The following GOLGB1 variants were observed in gnomAD, a reference collection of about 807,000 sequenced individuals.
GOLGB1 encodes the protein golgin subfamily B member 1.
Under a neutral mutation model 336.9 loss-of-function variants are expected in GOLGB1, and 174 were observed. The observed-to-expected ratio is 0.52, with a 90% CI of 0.46 to 0.59. The LOEUF (loss-of-function observed/expected upper bound fraction) is 0.59, where lower values mean the gene tolerates loss of function less well. GOLGB1 is among the 20% of genes least tolerant of loss of function. The pLI is 0.00. For missense variants in GOLGB1, 3,331 were observed against 3,645.3 expected (o/e 0.91, Z 2.22); for synonymous variants, 1,208 against 1,289.2 (o/e 0.94, Z 1.35).
intron 17 of GOLGB1, 56 bp downstream of exon 17, chr3:121,676,837 C>T: frequency 2.6e-6 from 4 of 1,533,322 alleles, no homozygotes; most frequent in Non-Finnish European, 9.0e-7. Context: ...TACTTGCCTT[C>T]TTGTTCCAGT....
chr3:121,695,343 G>A lies in GOLGB1; in HGVS notation c.5180C>T (p.Ala1727Val), dbSNP rs769141348. 3.6e-5 allele frequency: 58 copies of A among 1,613,670 alleles called. No homozygotes were observed. The highest frequency in any genetic ancestry group is 4.8e-5 in the Non-Finnish European group (57 of 1,179,870). ...ECMETLLSSN[A>V]SMKEELERVK... is the part of the protein sequence containing the mutation. ...CCTTTCAAGTTCTTCCTTCATGCTGGCATTGGAAGAAAGAAGTGTTTCCAT... is the reference window on the plus strand; with the variant it reads ...CCTTTCAAGTTCTTCCTTCATGCTGACATTGGAAGAAAGAAGTGTTTCCAT... The change falls in exon 13 of 22, where the codon GCC becomes GTC. Residue 1727 changes from alanine to valine, a missense_variant. Coordinates refer to ENST00000614479, the MANE Select transcript of GOLGB1 (RefSeq NM_001366282.2).
Position 121,726,901 on chromosome 3 carries a change from T to A in GOLGB1, c.531+12A>T, listed in dbSNP as rs201905435. Reference sequence around the variant, plus strand: ...ATTAACCTAATGATTATGAAGTAACTTCCACCCCTACCTGTGCAGGTTGTT... The same window carrying A: ...ATTAACCTAATGATTATGAAGTAACATCCACCCCTACCTGTGCAGGTTGTT... On this transcript the variant is annotated intron_variant, in intron 5 of 21. Transcript: ENST00000614479. The A allele has an allele frequency of 1.6e-5, 25 of 1,566,562 alleles. No homozygotes were observed. The highest frequency in any genetic ancestry group is 2.1e-5 in the Non-Finnish European group (24 of 1,156,334).
rs550266275 is a variant in GOLGB1, at chr3:121,689,408, A to C, written c.8694+1262T>G. Among the ~76,000 whole-genome samples, 84 of 152,038 alleles carry C rather than the reference A, an allele frequency of 5.5e-4. 1 individual carries two copies. Among genetic ancestry groups the C allele is most frequent in the Admixed American group, 3.3e-4 (5 of 15,272 alleles). Reference sequence around the variant, plus strand: ...TGTCCACTCAGGGTTAAATGGATTAAGGGCGGTGCAAGATGTGCTTTGTTA... The same window carrying C: ...TGTCCACTCAGGGTTAAATGGATTACGGGCGGTGCAAGATGTGCTTTGTTA... On this transcript the variant is annotated intron_variant, in intron 14 of 21. Transcript: ENST00000614479.
chr3:121,729,100 C>A, intron 4 of GOLGB1, 88 bp downstream of exon 4: 1 of 858,938 alleles, frequency 1.2e-6, no homozygotes, highest in East Asian at 2.6e-5. Flanking sequence ...ATCATTTTAG[C>A]ATCCTAAATG....
chr3:121,696,919 T>C lies in GOLGB1; in HGVS notation c.3604A>G (p.Lys1202Glu). ...RKAILKKAQE[K>E]ERHLREELKQ... is the part of the protein sequence containing the mutation. ...AGCTCCTCCCTGAGATGTCTTTCTT[T>C]CTCCTGTGCCTTTTTAAGAATTGCC... Residue 1202 changes from lysine (K) to glutamate (E), a missense_variant, in exon 13 of 22, where the codon AAA becomes GAA. Transcript: ENST00000614479. The C allele has an allele frequency of 6.2e-7, 1 of 1,614,104 alleles. No individual in the cohort carries two copies. Among genetic ancestry groups the C allele is most frequent in the Non-Finnish European group, 8.5e-7 (1 of 1,179,980 alleles).
intron 1 of GOLGB1, among the ~76,000 whole-genome samples, chr3:121,738,310 A>G (rs917649109): frequency 6.6e-6 from 1 of 152,248 alleles, no homozygotes; most frequent in Non-Finnish European, 1.5e-5. Context: ...AAGGGGCCCC[A>G]TGGATTTTGT....
At chr3:121,734,233 T>C (rs1413252464) in intron 1 of GOLGB1, among the ~76,000 whole-genome samples, 1 of 151,416 alleles carries the variant, frequency 6.6e-6, no homozygotes, top group Non-Finnish European at 1.5e-5. Context: ...CTACTAAAAA[T>C]ACAAAAATAA....
At chr3:121,724,065 G>T (rs564751504) in intron 5 of GOLGB1, among the ~76,000 whole-genome samples, 2 of 152,212 alleles carry the variant, frequency 1.3e-5, no homozygotes, top group East Asian at 3.9e-4. Context: ...GACTAAAAAG[G>T]AAAATTGGTA....
At chr3:121,665,180 G>A (rs766694282) in intron 20 of GOLGB1, 149 bp from the exon 21 acceptor site, 1 of 599,740 alleles carries the variant, frequency 1.7e-6, no homozygotes, top group Non-Finnish European at 3.0e-6. Flanking sequence ...CCATGCAAGG[G>A]GGGTACCAGC....
At chr3:121,712,449 ATAAT>A (rs1434877117) in intron 10 of GOLGB1, among the ~76,000 whole-genome samples, 3 of 152,158 alleles carry the variant, frequency 2.0e-5, no homozygotes, top group Non-Finnish European at 4.4e-5. Context: ...AAAATGATAA[ATAAT>A]TAAGCTCATC....
intron 17 of GOLGB1, among the ~76,000 whole-genome samples, chr3:121,670,417 G>A (rs1252257333): frequency 1.3e-5 from 2 of 152,208 alleles, no homozygotes; most frequent in African/African-American, 4.8e-5. Context: ...CAACTGTGAG[G>A]AAGGGCATTT....
chr3:121,730,769 CACCTAG>C, intron 2 of GOLGB1, 101 bp downstream of exon 2: 1 of 1,026,496 alleles, frequency 9.7e-7, no homozygotes, highest in African/African-American at 1.7e-5. Flanking sequence ...ATCCTCGCTT[CACCTAG>C]TACCAGGGAG....
At chr3:121,749,552 G>T (rs1947616259) in intron 1 of GOLGB1, 80 bp downstream of exon 1, 1 of 152,486 alleles carries the variant, frequency 6.6e-6, no homozygotes, top group African/African-American at 2.4e-5. Context: ...AGCTGCTTGG[G>T]CAGCTCCCGC....
intron 17 of GOLGB1, among the ~76,000 whole-genome samples, chr3:121,672,337 T>A (rs910637790): frequency 6.6e-6 from 1 of 152,246 alleles, no homozygotes; most frequent in Admixed American, 6.5e-5. Flanking sequence ...AAAGGTGAGA[T>A]GACATCTCAC....
At chr3:121,706,836 C>T (rs1339660057) in intron 10 of GOLGB1, among the ~76,000 whole-genome samples, 3 of 149,126 alleles carry the variant, frequency 2.0e-5, no homozygotes, top group African/African-American at 7.4e-5. Context: ...AAAAAACTTT[C>T]AATGTAGAAT....
At chr3:121,670,131 A>G (rs976552248) in intron 17 of GOLGB1, among the ~76,000 whole-genome samples, 2 of 152,188 alleles carry the variant, frequency 1.3e-5, no homozygotes, top group South Asian at 4.1e-4. Flanking sequence ...TGTAGCTTCT[A>G]CCCATTGATT....
chr3:121,691,740 T>C lies in GOLGB1; in HGVS notation c.7624A>G (p.Arg2542Gly), dbSNP rs1490852702. ...AKLDAELIQYREDLNQVITIK... is the reference protein window; with the variant it reads ...AKLDAELIQYGEDLNQVITIK... The stretch of plus-strand genomic sequence containing the variant: ...GTTATCACTTGGTTCAGGTCTTCTC[T>C]ATATTGGATCAGTTCTGCATCTAGC... The change falls in exon 14 of 22, where the codon AGA (arginine) becomes GGA (glycine). Residue 2542 changes from arginine (R) to glycine (G), a missense_variant. Physicochemically the swap from Arg to Gly is moderately radical, Grantham distance 125. Transcript: ENST00000614479. 6.2e-7 allele frequency: 1 copy of C among 1,613,766 alleles called. No homozygotes were observed. Among genetic ancestry groups the C allele is most frequent in the Admixed American group, 1.7e-5 (1 of 59,978 alleles).
chr3:121,694,004 C>T lies in GOLGB1; in HGVS notation c.6519G>A (p.Lys2173=). The part of the protein sequence containing the change: ...TIGEIQVTLN[K]KDKEVQQLQE... ...GAAGTTGCTGAACTTCCTTGTCTTT[C>T]TTGTTCAAAGTAACCTGAATCTCTC... Residue 2173 remains lysine, a synonymous_variant, in exon 13 of 22, where the codon AAG becomes AAA. Transcript: ENST00000614479. The T allele has an allele frequency of 6.2e-7, 1 of 1,614,152 alleles. No individual in the cohort carries two copies. Among genetic ancestry groups the T allele is most frequent in the Non-Finnish European group, 8.5e-7 (1 of 1,180,026 alleles).
At chr3:121,729,417 T>G in intron 3 of GOLGB1, 77 bp from the exon 4 acceptor site, 1 of 1,146,228 alleles carries the variant, frequency 8.7e-7, no homozygotes, top group Non-Finnish European at 1.2e-6. Flanking sequence ...GTTATTTTTA[T>G]TATTATTACT....
Sources: allele counts gnomAD v4.1 joint callset (sites outside exome capture counted in the v4.1 genomes callset), GRCh38; gene constraint gnomAD v4.1.1; transcripts MANE v1.5; gene names NCBI Gene and HGNC (gene_info 2026-07-23, HGNC 2026-07-21).